ESYT3: variants seen among roughly 807,000 people sequenced by gnomAD.
ESYT3 encodes the protein extended synaptotagmin-3.
A neutral mutation model predicts 111.5 loss-of-function variants in ESYT3; 101 were observed. That is an observed-to-expected ratio of 0.91 (90% CI 0.77 to 1.07). The LOEUF (loss-of-function observed/expected upper bound fraction) is 1.07. Ranked by LOEUF, ESYT3 falls within the 50% of genes least tolerant of loss-of-function variation. ESYT3 has a pLI of 0.00. For synonymous variants in ESYT3, 416 were observed against 446.8 expected, an observed-to-expected ratio of 0.93 and a Z score of 0.87; for missense variants, 1,097 against 1,109.4, an observed-to-expected ratio of 0.99 and a Z score of 0.16.
chr3:138,467,513 G>A (rs1475995565), intron 10 of ESYT3, 48 bp from the exon 11 acceptor site: 90 of 1,600,178 alleles, frequency 5.6e-5, no homozygotes, highest in Non-Finnish European at 7.5e-5. Context: ...GCCCTCTGCT[G>A]CTTTCTTCCT....
chr3:138,458,778 C>T (rs2032446025), intron 4 of ESYT3, among the ~76,000 whole-genome samples: 1 of 152,216 alleles, frequency 6.6e-6, no homozygotes, highest in Admixed American at 6.5e-5. Flanking sequence ...TCTGTGTCCC[C>T]ATGAAAGACA....
chr3:138,467,488 A>C, intron 10 of ESYT3, 73 bp from the exon 11 acceptor site: 1 of 1,445,678 alleles, frequency 6.9e-7, no homozygotes, highest in Non-Finnish European at 9.7e-7. Flanking sequence ...AACAGAGTCC[A>C]GTGTGGGCCT....
intron 3 of ESYT3, 28 bp from the exon 4 acceptor site, chr3:138,457,540 G>A (rs761206964): frequency 5.0e-6 from 8 of 1,612,204 alleles, no homozygotes; most frequent in Non-Finnish European, 5.9e-6. Context: ...AGAAGCCTCT[G>A]ACCTAGCCCT....
At chr3:138,436,943 G>A (rs998145224) in intron 1 of ESYT3, among the ~76,000 whole-genome samples, 3 of 151,114 alleles carry the variant, frequency 2.0e-5, no homozygotes, top group Admixed American at 2.0e-4. Context: ...GTGTAGGGGC[G>A]TGGACACCCT....
rs1353069615 is a variant in ESYT3, at chr3:138,464,373, C to T, written c.944C>T (p.Ala315Val). Reference protein sequence around the residue: ...CGVIRVHLLEAEQLAQKDNFL... With the variant: ...CGVIRVHLLEVEQLAQKDNFL... ...GTGATCAGAGTGCACTTGCTGGAGG[C>T]AGAGCAGCTGGCCCAGAAGGACAAC... The change falls in exon 9 of 23, where the codon GCA becomes GTA. Residue 315 changes from alanine to valine, a missense_variant. Ala to Val is a moderately conservative substitution (Grantham distance 64). Transcript: ENST00000389567. The T allele has an allele frequency of 1.2e-6, 2 of 1,614,082 alleles. No homozygotes were observed. The highest frequency in any genetic ancestry group is 2.7e-5 in the African/African-American group (2 of 75,018).
intron 17 of ESYT3, among the ~76,000 whole-genome samples, chr3:138,472,118 C>T (rs1446403045): frequency 2.0e-5 from 3 of 152,098 alleles, no homozygotes; most frequent in East Asian, 3.8e-4. Context: ...CTTTTTTTAA[C>T]AGAATTATCC....
At chr3:138,469,745 C>CA (rs963155449) in intron 15 of ESYT3, among the ~76,000 whole-genome samples, 13 of 152,280 alleles carry the variant, frequency 8.5e-5, no homozygotes, top group Admixed American at 2.0e-4. Context: ...TTCTGAAGCC[C>CA]ATGTCCTTTC....
At chr3:138,451,350 C>T (rs964014239) in intron 1 of ESYT3, among the ~76,000 whole-genome samples, 3 of 152,212 alleles carry the variant, frequency 2.0e-5, no homozygotes, top group Admixed American at 1.3e-4. Context: ...GGGCGCCCCA[C>T]AGCACCCCAC....
chr3:138,451,505 C>T (rs2031925717), intron 1 of ESYT3, among the ~76,000 whole-genome samples: 1 of 152,156 alleles, frequency 6.6e-6, no homozygotes, highest in African/African-American at 2.4e-5. Context: ...GTCATTGAAA[C>T]GAATAAGGGG....
chr3:138,452,133 C>T, intron 2 of ESYT3, 44 bp downstream of exon 2: 1 of 1,591,500 alleles, frequency 6.3e-7, no homozygotes, highest in Non-Finnish European at 8.6e-7. Context: ...CGCATGCCAG[C>T]CTCGTCCTCC....
intron 1 of ESYT3, among the ~76,000 whole-genome samples, chr3:138,436,115 T>C (rs1302917598): frequency 6.6e-6 from 1 of 152,186 alleles, no homozygotes; most frequent in Non-Finnish European, 1.5e-5. Flanking sequence ...GAAAAAAATA[T>C]AAGGCCCATT....
chr3:138,470,490 A>C, intron 16 of ESYT3: 1 of 1,107,436 alleles, frequency 9.0e-7, no homozygotes, highest in African/African-American at 1.6e-5. Context: ...TTCACAAAAG[A>C]TCTGTAGAGT....
chr3:138,444,401 T>C (rs1030222280), intron 1 of ESYT3, among the ~76,000 whole-genome samples: 11 of 152,192 alleles, frequency 7.2e-5, no homozygotes, highest in African/African-American at 2.7e-4. Flanking sequence ...CAGGCCTGCT[T>C]TGGGGAAATG....
chr3:138,441,920 C>A (rs751980839), intron 1 of ESYT3, among the ~76,000 whole-genome samples: 1 of 151,972 alleles, frequency 6.6e-6, no homozygotes, highest in African/African-American at 2.4e-5. Context: ...GTCCCATAAG[C>A]CCTATCTCTG....
chr3:138,472,708 C>A lies in ESYT3; in HGVS notation c.2086C>A (p.His696Asn), dbSNP rs764354371. 23 of 1,614,086 alleles carry A rather than the reference C, an allele frequency of 1.4e-5. No individual in the cohort carries two copies. Among genetic ancestry groups the A allele is most frequent in the African/African-American group, 2.7e-5 (2 of 74,940 alleles). ...ATIFLTVPGP[H>N]SPGPIKSPRP... ...CATCTTCCTGACTGTCCCAGGTCCC[C>A]ACTCTCCAGGGCCCATCAAGTCACC... is the stretch of plus-strand genomic sequence containing the variant. Residue 696 changes from histidine to asparagine, a missense_variant, in exon 18 of 23, where the codon CAC becomes AAC. Physicochemically the swap from His to Asn is moderately conservative, Grantham distance 68. Coordinates refer to ENST00000389567, the MANE Select transcript of ESYT3 (RefSeq NM_031913.5).
At chr3:138,444,496 C>A (rs1434301303) in intron 1 of ESYT3, among the ~76,000 whole-genome samples, 1 of 152,210 alleles carries the variant, frequency 6.6e-6, no homozygotes, top group Non-Finnish European at 1.5e-5. Context: ...GTCTCTAACA[C>A]CAAACCATCT....
chr3:138,436,767 CA>C (rs2030732109), intron 1 of ESYT3, among the ~76,000 whole-genome samples: 1 of 152,218 alleles, frequency 6.6e-6, no homozygotes, highest in South Asian at 2.1e-4. Flanking sequence ...GGCCATCTGT[CA>C]GATCTCTGTT....
rs184084676 is a variant in ESYT3 at position 138,463,601 on chromosome 3, T to C, written c.916-744T>C. On this transcript the variant is annotated intron_variant, in intron 8 of 22. Coordinates refer to ENST00000389567, the MANE Select transcript of ESYT3 (RefSeq NM_031913.5). The stretch of plus-strand genomic sequence containing the variant: ...TAGTAGTGTAATGAATAGCCTTGCA[T>C]ACATGTCTTTTTATATTTTTGCTAG... Among the ~76,000 whole-genome samples the C allele has an allele frequency of 3.2e-3, 491 of 152,356 alleles. 2 individuals carry two copies. The highest frequency in any genetic ancestry group is 0.011 in the African/African-American group (441 of 41,588).
intron 1 of ESYT3, among the ~76,000 whole-genome samples, chr3:138,441,804 G>A (rs866402133): frequency 6.9e-6 from 1 of 144,304 alleles, no homozygotes; most frequent in African/African-American, 2.6e-5. Flanking sequence ...GCCCCATTGA[G>A]AATTATTAAA....
Sources: allele counts gnomAD v4.1 joint callset (sites outside exome capture counted in the v4.1 genomes callset), GRCh38; gene constraint gnomAD v4.1.1; transcripts MANE v1.5; gene names NCBI Gene and HGNC (gene_info 2026-07-23, HGNC 2026-07-21).